MOB4: variants seen among roughly 807,000 people sequenced by gnomAD.
The protein encoded by MOB4 is MOB-like protein phocein.
Under a neutral mutation model 32.2 loss-of-function variants are expected in MOB4, and 4 were observed. The ratio of observed to expected loss-of-function variants is 0.12; its 90% confidence interval spans 0.06 to 0.28. The LOEUF is 0.28. Ranked by LOEUF, MOB4 falls within the 10% of genes least tolerant of loss-of-function variation. The pLI is 1.00. For synonymous variants in MOB4, 88 were observed against 88.1 expected (o/e 1.00, Z 0.01); for missense variants, 158 against 271.2 (o/e 0.58, Z 2.93).
In MOB4 at chr2:197,550,267, A is replaced by G; in HGVS notation, c.435-8A>G. ...TCTAAGAATCTATGGTTTCTTTTCT[A>G]CTTCTAGGGTTAGCATAAAGGAATC... is the stretch of plus-strand genomic sequence containing the variant. On this transcript the variant is annotated splice_region_variant and splice_polypyrimidine_tract_variant and intron_variant, in intron 6 of 7. Transcript: ENST00000323303. 1 of 1,601,156 alleles carries G rather than the reference A, an allele frequency of 6.2e-7. No individual in the cohort carries two copies. Among genetic ancestry groups the G allele is most frequent in the African/African-American group, 1.3e-5 (1 of 74,120 alleles).
intron 1 of MOB4, among the ~76,000 whole-genome samples, chr2:197,519,943 A>T (rs796685073): frequency 6.6e-6 from 1 of 152,270 alleles, no homozygotes; most frequent in African/African-American, 2.4e-5. Flanking sequence ...TTATTTCTTG[A>T]TATTTTCCTT....
At chr2:197,548,479 A>T in intron 6 of MOB4, 64 bp downstream of exon 6, 1 of 95,036 alleles carries the variant, frequency 1.1e-5, no homozygotes, top group Non-Finnish European at 2.0e-5. Flanking sequence ...TTGGTATTTT[A>T]GGGGGGAGGG....
In MOB4 at chr2:197,544,709, C is replaced by T. The variant is rs186374948; in HGVS notation, c.355-3627C>T. 2.3e-3 allele frequency among the ~76,000 whole-genome samples: 337 copies of T among 149,190 alleles called. 3 individuals carry two copies. Among genetic ancestry groups the T allele is most frequent in the African/African-American group, 7.9e-3 (317 of 40,360 alleles). On this transcript the variant is annotated intron_variant, in intron 5 of 7. Coordinates refer to ENST00000323303, the MANE Select transcript of MOB4 (RefSeq NM_015387.5). ...CGGAGCTTGCACTGAGTGGAGATCA[C>T]ATCACTGCACTCCAGCCTGGGCAAC...
chr2:197,550,418 T>G, intron 7 of MOB4, 32 bp downstream of exon 7: 3 of 1,607,756 alleles, frequency 1.9e-6, no homozygotes. Context: ...TCTTGATGCA[T>G]TCTTATCAGT....
At chr2:197,518,148 A>G (rs1287198795) in intron 1 of MOB4, among the ~76,000 whole-genome samples, 2 of 152,064 alleles carry the variant, frequency 1.3e-5, no homozygotes, top group Non-Finnish European at 2.9e-5. Context: ...TCTCAAACAA[A>G]CAAACAAAAA....
In MOB4 at chr2:197,523,735, G is replaced by GT. The variant is rs778369826; in HGVS notation, c.123+50dup. On this transcript the variant is annotated intron_variant, in intron 2 of 7. Coordinates refer to ENST00000323303, the MANE Select transcript of MOB4 (RefSeq NM_015387.5). Reference sequence around the variant, plus strand: ...CCCTGTGTCTTTTGGAGTACGATGTGTAAGTGCCCATTGGGTGGCCTTTGT... The same window carrying GT: ...CCCTGTGTCTTTTGGAGTACGATGTGTTAAGTGCCCATTGGGTGGCCTTTGT... The GT allele has an allele frequency of 6.5e-6, 10 of 1,549,038 alleles. No homozygotes were observed. In the South Asian group the frequency reaches 1.1e-4, roughly 17 times the overall value.
chr2:197,539,777 C>T (rs993999334), intron 3 of MOB4, among the ~76,000 whole-genome samples: 1 of 152,112 alleles, frequency 6.6e-6, no homozygotes, highest in Non-Finnish European at 1.5e-5. Context: ...ACAATAGATT[C>T]TTAGAAGAAT....
chr2:197,546,501 C>T lies in MOB4; in HGVS notation c.355-1835C>T, dbSNP rs148544138. 2.4e-3 allele frequency among the ~76,000 whole-genome samples: 365 copies of T among 152,038 alleles called. 1 individual carries two copies. The highest frequency in any genetic ancestry group is 3.2e-3 in the Non-Finnish European group (216 of 67,986). Reference sequence around the variant, plus strand: ...CCTTGACCTCCTGTGCTCAAGCAATCCTCCTGCCTCAGCCTTCTTGGTAGC... The same window carrying T: ...CCTTGACCTCCTGTGCTCAAGCAATTCTCCTGCCTCAGCCTTCTTGGTAGC... On this transcript the variant is annotated intron_variant, in intron 5 of 7. Coordinates refer to ENST00000323303, the MANE Select transcript of MOB4 (RefSeq NM_015387.5).
Position 197,550,684 on chromosome 2 carries a change from A to G in MOB4, c.*38A>G. ...GAAAAATGTACTGATCATATAATTA[A>G]CATTATGTACTGTATATATCATTTT... is the stretch of plus-strand genomic sequence containing the variant. On this transcript the variant is annotated 3_prime_UTR_variant, in exon 8 of 8. Coordinates refer to ENST00000323303, the MANE Select transcript of MOB4 (RefSeq NM_015387.5). 3 of 1,554,496 alleles carry G rather than the reference A, an allele frequency of 1.9e-6. No homozygotes were observed. The highest frequency in any genetic ancestry group is 2.6e-6 in the Non-Finnish European group (3 of 1,157,564).
chr2:197,527,057 A>G (rs932004704), intron 2 of MOB4, among the ~76,000 whole-genome samples: 2 of 152,156 alleles, frequency 1.3e-5, no homozygotes, highest in Non-Finnish European at 2.9e-5. Flanking sequence ...GATTACAGGC[A>G]TGAGCCACCA....
intron 1 of MOB4, among the ~76,000 whole-genome samples, chr2:197,520,341 G>C (rs1220578496): frequency 6.6e-6 from 1 of 151,926 alleles, no homozygotes; most frequent in Non-Finnish European, 1.5e-5. Flanking sequence ...GGGTTTCACC[G>C]TGTTAGCCAG....
intron 1 of MOB4, among the ~76,000 whole-genome samples, 172 bp from the exon 2 acceptor site, chr2:197,523,452 C>T (rs907241043): frequency 6.6e-6 from 1 of 152,106 alleles, no homozygotes; most frequent in Non-Finnish European, 1.5e-5. Context: ...CAGAGTGAGA[C>T]CCTGTCTGTA....
intron 2 of MOB4, among the ~76,000 whole-genome samples, chr2:197,532,480 C>T (rs1388652387): frequency 1.3e-5 from 2 of 151,980 alleles, no homozygotes; most frequent in African/African-American, 2.4e-5. Context: ...TCAAAACTAG[C>T]TTAAGGGGTC....
At chr2:197,538,417 T>C (rs1294382811) in intron 3 of MOB4, among the ~76,000 whole-genome samples, 2 of 151,862 alleles carry the variant, frequency 1.3e-5, no homozygotes, top group East Asian at 3.9e-4. Flanking sequence ...CATACATCCT[T>C]TATTGATTTG....
At chr2:197,536,676 A>G (rs1370289496) in intron 3 of MOB4, among the ~76,000 whole-genome samples, 1 of 127,690 alleles carries the variant, frequency 7.8e-6, no homozygotes. Flanking sequence ...ATCCCGGCTC[A>G]CCACAACCTC....
chr2:197,527,939 T>G (rs1046245769), intron 2 of MOB4, among the ~76,000 whole-genome samples: 1 of 152,224 alleles, frequency 6.6e-6, no homozygotes, highest in East Asian at 1.9e-4. Flanking sequence ...TGTTGTTGTT[T>G]TTTTAAAAAT....
In MOB4 at chr2:197,546,219, G is replaced by A. The variant is rs573342650; in HGVS notation, c.355-2117G>A. 9.2e-5 allele frequency among the ~76,000 whole-genome samples: 14 copies of A among 151,556 alleles called. 1 individual carries two copies. The highest frequency in any genetic ancestry group is 3.1e-4 in the African/African-American group (13 of 41,282). ...TGGGACTACAGGTGCCTGCCACTGC[G>A]CACAGCTAATTTTTTGTATTTTTAG... is the stretch of plus-strand genomic sequence containing the variant. On this transcript the variant is annotated intron_variant, in intron 5 of 7. Coordinates refer to ENST00000323303, the MANE Select transcript of MOB4 (RefSeq NM_015387.5).
chr2:197,516,645 G>A (rs759674401), intron 1 of MOB4: 2 of 472,000 alleles, frequency 4.2e-6, no homozygotes, highest in Admixed American at 2.3e-5. Context: ...AGCCGGATCC[G>A]GGTGCCGATA....
At chr2:197,517,605 A>G (rs1045721215) in intron 1 of MOB4, among the ~76,000 whole-genome samples, 4 of 152,164 alleles carry the variant, frequency 2.6e-5, no homozygotes, top group African/African-American at 7.2e-5. Flanking sequence ...CATACTTGCT[A>G]TGTTGCTGTA....
Sources: allele counts gnomAD v4.1 joint callset (sites outside exome capture counted in the v4.1 genomes callset), GRCh38; gene constraint gnomAD v4.1.1; transcripts MANE v1.5; gene names NCBI Gene and HGNC (gene_info 2026-07-23, HGNC 2026-07-21).